Variants in FGF12 observed in about 807,000 individuals in gnomAD.
FGF12 encodes fibroblast growth factor 12.
FGF12 carries 14 observed loss-of-function variants against 23.6 expected under a neutral mutation model. That is an observed-to-expected ratio of 0.59 (90% CI 0.39 to 0.93). FGF12 has a LOEUF of 0.93. FGF12 is among the 40% of genes least tolerant of loss of function. The probability of loss-of-function intolerance (pLI) is 0.00; values close to 1 mark genes in which losing one functional copy is unlikely to be tolerated. For synonymous variants in FGF12, 62 were observed against 77.3 expected (o/e 0.80, Z 1.04); for missense variants, 175 against 217.8 (o/e 0.80, Z 1.24).
At chr3:192,348,906 G>C (rs1410142105) in intron 3 of FGF12, among the ~76,000 whole-genome samples, 1 of 152,102 alleles carries the variant, frequency 6.6e-6, no homozygotes, top group Non-Finnish European at 1.5e-5. Flanking sequence ...AATTTTCATA[G>C]CTGTACTGAA....
At chr3:192,387,350 A>G (rs1720088981) in intron 2 of FGF12, among the ~76,000 whole-genome samples, 1 of 152,220 alleles carries the variant, frequency 6.6e-6, no homozygotes, top group Non-Finnish European at 1.5e-5. Flanking sequence ...ATAAACCAAA[A>G]GTATATCTAG....
intron 2 of FGF12, among the ~76,000 whole-genome samples, chr3:192,368,396 T>C (rs1429947538): frequency 6.6e-6 from 1 of 152,026 alleles, no homozygotes; most frequent in African/African-American, 2.4e-5. Flanking sequence ...ATTAAAGCAA[T>C]ATAAAAGGAT....
chr3:192,296,833 G>A (rs534705524), intron 4 of FGF12, among the ~76,000 whole-genome samples: 1 of 152,114 alleles, frequency 6.6e-6, no homozygotes, highest in South Asian at 2.1e-4. Flanking sequence ...AAAAACATGT[G>A]GAGTACTTAG....
chr3:192,700,081 T>C (rs760822747), intron 2 of FGF12, among the ~76,000 whole-genome samples: 12 of 152,208 alleles, frequency 7.9e-5, no homozygotes, highest in Non-Finnish European at 1.5e-4. Context: ...TCACTTCAGA[T>C]GCCTGAGGGT....
chr3:192,167,773 T>TAA (rs1560175832), intron 5 of FGF12, among the ~76,000 whole-genome samples: 1 of 12,558 alleles, frequency 8.0e-5, no homozygotes, highest in African/African-American at 1.9e-4. Flanking sequence ...ATATATAAAA[T>TAA]TTTTTTTTTT....
chr3:192,375,353 T>C (rs1026951362), intron 2 of FGF12, among the ~76,000 whole-genome samples: 1 of 152,186 alleles, frequency 6.6e-6, no homozygotes, highest in East Asian at 1.9e-4. Context: ...GTCTCCCTTA[T>C]ACTCTCTCCA....
In FGF12 at chr3:192,305,679, A is replaced by AAATATATATATATATATAT. The variant is rs1423738741; in HGVS notation, c.228+29681_228+29682insATATATATATATATATATT. Among the ~76,000 whole-genome samples the AAATATATATATATATATAT allele has an allele frequency of 2.7e-4, 35 of 131,912 alleles. 1 individual carries two copies. The highest frequency in any genetic ancestry group is 1.0e-3 in the South Asian group (4 of 3,820). 86.5% of individuals were successfully genotyped at this position (131,912 alleles called of 152,430 possible). ...AAGGTGGCTTAGGAAAAAAAAAAAA[A>AAATATATATATATATATAT]ATATATATATATATATAAATATATA... On this transcript the variant is annotated intron_variant, in intron 4 of 5. Coordinates refer to ENST00000445105, the MANE Select transcript of FGF12 (RefSeq NM_004113.6).
At chr3:192,458,520 T>C (rs1266039285) in intron 2 of FGF12, among the ~76,000 whole-genome samples, 2 of 152,210 alleles carry the variant, frequency 1.3e-5, no homozygotes, top group Non-Finnish European at 2.9e-5. Flanking sequence ...TCACAGGTTT[T>C]TGGACTTGAA....
intron 2 of FGF12, among the ~76,000 whole-genome samples, chr3:192,630,080 G>A (rs181458211): frequency 7.4e-4 from 112 of 152,200 alleles, no homozygotes; most frequent in Middle Eastern, 3.4e-3. Context: ...TGCTGTCCTC[G>A]TGATAGTGAG....
chr3:192,427,512 T>A (rs978322639), intron 2 of FGF12, among the ~76,000 whole-genome samples: 1 of 152,356 alleles, frequency 6.6e-6, no homozygotes, highest in Non-Finnish European at 1.5e-5. Context: ...TAAATTAGCA[T>A]GAACACTTTG....
intron 2 of FGF12, among the ~76,000 whole-genome samples, chr3:192,711,037 C>G (rs1200180099): frequency 6.6e-6 from 1 of 152,178 alleles, no homozygotes; most frequent in Non-Finnish European, 1.5e-5. Flanking sequence ...AAGCCCCACC[C>G]ATGAACACAG....
chr3:192,607,322 C>T lies in FGF12; in HGVS notation c.13+119859G>A, dbSNP rs191061387. On this transcript the variant is annotated intron_variant, in intron 2 of 5. Coordinates refer to ENST00000445105, the MANE Select transcript of FGF12 (RefSeq NM_004113.6). ...CTGCTGAGCAAAGAAGAGAGGAGCACAGAGAGAAGGTGCTTCAACACCACA... is the reference window on the plus strand; with the variant it reads ...CTGCTGAGCAAAGAAGAGAGGAGCATAGAGAGAAGGTGCTTCAACACCACA... 6.2e-4 allele frequency among the ~76,000 whole-genome samples: 95 copies of T among 152,188 alleles called. 2 individuals carry two copies. Among genetic ancestry groups the T allele is most frequent in the South Asian group, 5.6e-3 (27 of 4,814 alleles).
intron 2 of FGF12, among the ~76,000 whole-genome samples, chr3:192,385,559 C>A (rs1432190545): frequency 6.8e-6 from 1 of 146,596 alleles, no homozygotes; most frequent in African/African-American, 2.5e-5. Context: ...AGAGAATTCA[C>A]CCCCCCCAGC....
intron 2 of FGF12, among the ~76,000 whole-genome samples, chr3:192,635,519 A>G (rs529893820): frequency 1.3e-5 from 2 of 152,348 alleles, no homozygotes; most frequent in South Asian, 4.1e-4. Flanking sequence ...ATACTTAATA[A>G]CTTGTCATTA....
chr3:192,476,408 C>A (rs949084164), intron 2 of FGF12, among the ~76,000 whole-genome samples: 2 of 152,156 alleles, frequency 1.3e-5, no homozygotes, highest in African/African-American at 4.8e-5. Flanking sequence ...GCCTGACTCC[C>A]ACCACCACTC....
intron 2 of FGF12, among the ~76,000 whole-genome samples, chr3:192,619,531 A>T (rs1714892265): frequency 6.6e-6 from 1 of 152,104 alleles, no homozygotes; most frequent in Non-Finnish European, 1.5e-5. Flanking sequence ...TATCATAGCC[A>T]TGGCCTTTAC....
chr3:192,513,942 C>T (rs937361091), intron 2 of FGF12, among the ~76,000 whole-genome samples: 1 of 152,204 alleles, frequency 6.6e-6, no homozygotes, highest in Non-Finnish European at 1.5e-5. Flanking sequence ...TGAAACAGCA[C>T]ACCATTTTGC....
chr3:192,383,960 C>A (rs1719933990), intron 2 of FGF12, among the ~76,000 whole-genome samples: 1 of 152,172 alleles, frequency 6.6e-6, no homozygotes, highest in Admixed American at 6.5e-5. Flanking sequence ...ATCCAGGACT[C>A]AGCCTTGGAT....
At chr3:192,530,383 T>C (rs1725056835) in intron 2 of FGF12, among the ~76,000 whole-genome samples, 1 of 152,208 alleles carries the variant, frequency 6.6e-6, no homozygotes, top group African/African-American at 2.4e-5. Flanking sequence ...GCCTGCCAGA[T>C]CGTAGGTCCT....
Sources: gnomAD v4.1 joint callset for allele counts (sites outside exome capture counted in the v4.1 genomes callset) on GRCh38, gnomAD v4.1.1 for gene constraint, MANE v1.5 for transcripts, NCBI Gene and HGNC (gene_info 2026-07-23, HGNC 2026-07-21) for gene names.